The following RBFOX1 variants were observed in gnomAD, a reference collection of about 807,000 sequenced individuals.
The protein encoded by RBFOX1 is RNA binding protein fox-1 homolog 1.
Under a neutral mutation model 57.7 loss-of-function variants are expected in RBFOX1, and 8 were observed. The observed-to-expected ratio is 0.14, with a 90% CI of 0.08 to 0.25. The LOEUF is 0.25. Ranked by LOEUF, RBFOX1 falls within the 10% of genes least tolerant of loss-of-function variation. The probability of loss-of-function intolerance (pLI) is 1.00; values close to 1 mark genes in which losing one functional copy is unlikely to be tolerated. For synonymous variants in RBFOX1, 326 were observed against 222.4 expected, an observed-to-expected ratio of 1.47 and a Z score of -4.15; for missense variants, 611 against 548.5, an observed-to-expected ratio of 1.11 and a Z score of -1.14.
intron 10 of RBFOX1, among the ~76,000 whole-genome samples, chr16:7,620,878 G>A (rs147269591): frequency 1.3e-5 from 2 of 152,260 alleles, no homozygotes; most frequent in African/African-American, 4.8e-5. Context: ...AAAAAGACGT[G>A]CATGTGGAGT....
At chr16:6,945,365 C>T (rs371172502) in intron 3 of RBFOX1, among the ~76,000 whole-genome samples, 1 of 152,098 alleles carries the variant, frequency 6.6e-6, no homozygotes, top group African/African-American at 2.4e-5. Context: ...TCAAACATGG[C>T]CCATTGCTGG....
chr16:5,490,494 C>T (rs974518436), intron 2 of RBFOX1, among the ~76,000 whole-genome samples: 1 of 152,210 alleles, frequency 6.6e-6, no homozygotes, highest in Non-Finnish European at 1.5e-5. Context: ...CCTGGCGTTG[C>T]TATCCGGAGC....
At chr16:6,848,809 T>C (rs974406875) in intron 3 of RBFOX1, among the ~76,000 whole-genome samples, 2 of 152,170 alleles carry the variant, frequency 1.3e-5, no homozygotes, top group Non-Finnish European at 2.9e-5. Flanking sequence ...TTCACACTCA[T>C]GGAGGAGCAG....
At chr16:6,636,760 TATATATAATATATAATATATATA>T (rs1287730123) in intron 2 of RBFOX1, among the ~76,000 whole-genome samples, 4,276 of 118,736 alleles carry the variant, frequency 0.036, 333 homozygotes, top group African/African-American at 0.091. Flanking sequence ...ATATAGTTTA[TATATATAATATATAATATATATA>T]ATATATAATA....
intron 2 of RBFOX1, among the ~76,000 whole-genome samples, chr16:6,510,327 C>G (rs1277760607): frequency 6.6e-6 from 1 of 152,110 alleles, no homozygotes; most frequent in African/African-American, 2.4e-5. Flanking sequence ...GAGATTTGAA[C>G]TGCTTTTGTT....
rs7201967 is a variant in RBFOX1, at chr16:6,900,796, A to G, written c.-15-151261A>G. On this transcript the variant is annotated intron_variant, in intron 3 of 15. Coordinates refer to ENST00000550418, the MANE Select transcript of RBFOX1 (RefSeq NM_018723.4). The stretch of plus-strand genomic sequence containing the variant: ...CTCTCCTCTTCCTTCACAGCACACA[A>G]TGCCATTCCTAATATTCCACTTAAC... 5.6e-3 allele frequency among the ~76,000 whole-genome samples: 845 copies of G among 152,224 alleles called. 18 individuals carry two copies. The highest frequency in any genetic ancestry group is 0.019 in the African/African-American group (810 of 41,540).
intron 3 of RBFOX1, among the ~76,000 whole-genome samples, chr16:5,683,529 A>C (rs1451941088): frequency 6.6e-6 from 1 of 151,992 alleles, no homozygotes; most frequent in Non-Finnish European, 1.5e-5. Flanking sequence ...GTGCATATAA[A>C]GCAGGCAGAA....
intron 4 of RBFOX1, among the ~76,000 whole-genome samples, chr16:7,354,579 G>A (rs1032958142): frequency 6.6e-6 from 1 of 152,172 alleles, no homozygotes; most frequent in African/African-American, 2.4e-5. Context: ...CCACCAATGT[G>A]AAATGCTTAG....
intron 3 of RBFOX1, among the ~76,000 whole-genome samples, chr16:5,720,631 A>T (rs2051895959): frequency 6.6e-6 from 1 of 152,156 alleles, no homozygotes; most frequent in Non-Finnish European, 1.5e-5. Flanking sequence ...AGGAGATCCA[A>T]CTTCATTCTC....
At chr16:5,752,012 T>TTTCCCATAATTTAG (rs2053225801) in intron 3 of RBFOX1, among the ~76,000 whole-genome samples, 1 of 152,180 alleles carries the variant, frequency 6.6e-6, no homozygotes, top group Non-Finnish European at 1.5e-5. Flanking sequence ...AGCAAAGACA[T>TTTCCCATAATTTAG]GGAGTAAATC....
At chr16:7,462,947 C>G (rs185344993) in intron 4 of RBFOX1, among the ~76,000 whole-genome samples, 4 of 152,330 alleles carry the variant, frequency 2.6e-5, no homozygotes, top group African/African-American at 9.6e-5. Flanking sequence ...AGCTCTTCTC[C>G]TGATCTCAAG....
At chr16:6,435,580 A>C (rs2094211162) in intron 2 of RBFOX1, among the ~76,000 whole-genome samples, 2 of 152,170 alleles carry the variant, frequency 1.3e-5, no homozygotes, top group South Asian at 4.1e-4. Context: ...CTGGGATTAC[A>C]GGTGTGAGCC....
At chr16:5,774,227 G>T (rs2054072509) in intron 3 of RBFOX1, among the ~76,000 whole-genome samples, 1 of 152,108 alleles carries the variant, frequency 6.6e-6, no homozygotes, top group Non-Finnish European at 1.5e-5. Flanking sequence ...GGAAGAGAAA[G>T]GGCCCATTAC....
intron 2 of RBFOX1, among the ~76,000 whole-genome samples, chr16:6,435,369 C>A (rs559430072): frequency 2.0e-5 from 3 of 151,418 alleles, no homozygotes; most frequent in Admixed American, 2.0e-4. Flanking sequence ...AGTGTGATCT[C>A]GGCTCACTGC....
intron 4 of RBFOX1, among the ~76,000 whole-genome samples, chr16:7,154,198 G>C (rs2152311816): frequency 6.6e-6 from 1 of 152,290 alleles, no homozygotes; most frequent in Non-Finnish European, 1.5e-5. Context: ...GTGAGACTAA[G>C]AAATAACCAG....
At chr16:6,119,628 T>C (rs529464246) in intron 1 of RBFOX1, among the ~76,000 whole-genome samples, 129 of 152,336 alleles carry the variant, frequency 8.5e-4, no homozygotes, top group Non-Finnish European at 1.5e-3. Flanking sequence ...CATTATTGAC[T>C]CAACATTTAT....
intron 1 of RBFOX1, among the ~76,000 whole-genome samples, chr16:6,272,037 T>C (rs564271302): frequency 4.6e-5 from 7 of 152,242 alleles, no homozygotes; most frequent in African/African-American, 1.7e-4. Flanking sequence ...TGATCACCAT[T>C]GACTGTAACA....
chr16:5,782,153 G>C (rs1319031651), intron 3 of RBFOX1, among the ~76,000 whole-genome samples: 1 of 152,266 alleles, frequency 6.6e-6, no homozygotes, highest in Non-Finnish European at 1.5e-5. Flanking sequence ...GGAGGTTGCA[G>C]TGAGATGAGA....
chr16:5,561,355 A>C (rs1354548739), intron 2 of RBFOX1, among the ~76,000 whole-genome samples: 2 of 152,188 alleles, frequency 1.3e-5, no homozygotes, highest in African/African-American at 4.8e-5. Flanking sequence ...TTGGCTAAAA[A>C]GGGGACCTAT....
Sources: gnomAD v4.1 joint callset for allele counts (sites outside exome capture counted in the v4.1 genomes callset) on GRCh38, gnomAD v4.1.1 for gene constraint, MANE v1.5 for transcripts, NCBI Gene and HGNC (gene_info 2026-07-23, HGNC 2026-07-21) for gene names.